ANO10: variants seen among roughly 807,000 people sequenced by gnomAD.
ANO10 encodes the protein anoctamin 10.
Under a neutral mutation model 74.7 loss-of-function variants are expected in ANO10, and 77 were observed. The observed-to-expected ratio is 1.03, with a 90% CI of 0.86 to 1.25. The LOEUF is 1.25. Among genes scored for constraint, ANO10 ranks in the 50% most tolerant of loss-of-function variants. The pLI is 0.00. For synonymous variants in ANO10, 279 were observed against 284.9 expected (o/e 0.98, Z 0.21); for missense variants, 721 against 778.1 (o/e 0.93, Z 0.87).
intron 12 of ANO10, among the ~76,000 whole-genome samples, chr3:43,375,163 T>C (rs2091756246): frequency 6.6e-6 from 1 of 151,164 alleles, no homozygotes; most frequent in African/African-American, 2.4e-5. Context: ...ATCATTTTTT[T>C]GGGTGGGCGC....
intron 1 of ANO10, among the ~76,000 whole-genome samples, chr3:43,647,020 G>A (rs568470968): frequency 2.6e-5 from 4 of 151,966 alleles, no homozygotes; most frequent in Admixed American, 2.0e-4. Flanking sequence ...AATTCTCTTC[G>A]ACCTTCCAAC....
At chr3:43,400,471 G>A (rs1444691384) in intron 12 of ANO10, among the ~76,000 whole-genome samples, 1 of 151,984 alleles carries the variant, frequency 6.6e-6, no homozygotes, top group African/African-American at 2.4e-5. Context: ...GTGAAATACT[G>A]TGTCTTCAGA....
intron 11 of ANO10, among the ~76,000 whole-genome samples, chr3:43,466,588 C>A (rs1056228751): frequency 2.6e-5 from 4 of 151,762 alleles, no homozygotes; most frequent in Non-Finnish European, 5.9e-5. Context: ...GAACCTTAAC[C>A]TCTCTCTCAT....
intron 1 of ANO10, among the ~76,000 whole-genome samples, chr3:43,616,032 A>G (rs550225142): frequency 1.3e-5 from 2 of 152,268 alleles, no homozygotes; most frequent in African/African-American, 4.8e-5. Context: ...AACCTTATAT[A>G]AAAGCTACCT....
chr3:43,471,278 T>G (rs1371739379), intron 11 of ANO10, among the ~76,000 whole-genome samples: 2 of 152,186 alleles, frequency 1.3e-5, no homozygotes, highest in Non-Finnish European at 2.9e-5. Flanking sequence ...AAAAATCAAG[T>G]ATAAATAAAA....
intron 11 of ANO10, among the ~76,000 whole-genome samples, chr3:43,503,981 T>C (rs12495394): frequency 0.98 from 149,272 of 152,172 alleles, 73,283 homozygotes; most frequent in East Asian, 1. Flanking sequence ...TGTTGGGGAT[T>C]GGCTGGGTGT....
At chr3:43,465,493 A>C (rs1472865544) in intron 11 of ANO10, among the ~76,000 whole-genome samples, 2 of 152,168 alleles carry the variant, frequency 1.3e-5, no homozygotes, top group Admixed American at 1.3e-4. Flanking sequence ...GTCTCTACTA[A>C]AAATACAAAA....
intron 11 of ANO10, among the ~76,000 whole-genome samples, chr3:43,519,426 TCTAA>T (rs1289586773): frequency 2.6e-5 from 4 of 152,124 alleles, no homozygotes; most frequent in Non-Finnish European, 1.5e-5. Context: ...CTCAAGATAC[TCTAA>T]CTAAGATGGA....
At chr3:43,647,151 A>ATGTGTGTGTG (rs1450143460) in intron 1 of ANO10, among the ~76,000 whole-genome samples, 7 of 73,760 alleles carry the variant, frequency 9.5e-5, no homozygotes, top group Admixed American at 1.6e-4. Flanking sequence ...ATATGTGTAT[A>ATGTGTGTGTG]TATGTGTGTG....
At chr3:43,501,394 T>C (rs968021847) in intron 11 of ANO10, among the ~76,000 whole-genome samples, 9 of 152,082 alleles carry the variant, frequency 5.9e-5, no homozygotes, top group African/African-American at 2.2e-4. Context: ...ACATTACAGA[T>C]CATATTTCAA....
chr3:43,508,510 C>T (rs2077381365), intron 11 of ANO10, among the ~76,000 whole-genome samples: 1 of 152,132 alleles, frequency 6.6e-6, no homozygotes, highest in Non-Finnish European at 1.5e-5. Flanking sequence ...TTTACTGCAG[C>T]ACTATTCACA....
chr3:43,501,549 G>A (rs1469699935), intron 11 of ANO10, among the ~76,000 whole-genome samples: 1 of 151,958 alleles, frequency 6.6e-6, no homozygotes, highest in African/African-American at 2.4e-5. Flanking sequence ...AAATCATGAG[G>A]TCAAAGCTTC....
At chr3:43,478,298 A>C (rs1328666695) in intron 11 of ANO10, among the ~76,000 whole-genome samples, 1 of 152,186 alleles carries the variant, frequency 6.6e-6, no homozygotes, top group African/African-American at 2.4e-5. Flanking sequence ...GAAATCAGCA[A>C]CCTAAAAAAC....
chr3:43,505,141 A>G (rs1051530003), intron 11 of ANO10, among the ~76,000 whole-genome samples: 6 of 152,230 alleles, frequency 3.9e-5, no homozygotes, highest in African/African-American at 1.2e-4. Flanking sequence ...AGATAGTGTT[A>G]GCATAAATAA....
intron 3 of ANO10, among the ~76,000 whole-genome samples, 159 bp downstream of exon 3, chr3:43,600,225 A>G (rs2082275557): frequency 6.6e-6 from 1 of 152,232 alleles, no homozygotes; most frequent in East Asian, 1.9e-4. Flanking sequence ...TCACAATGGC[A>G]GTGTTGAGTA....
chr3:43,589,226 T>A (rs1432161602), intron 4 of ANO10, among the ~76,000 whole-genome samples: 7 of 152,124 alleles, frequency 4.6e-5, no homozygotes. Context: ...AAAAAAATAG[T>A]CTTCACAGAT....
intron 12 of ANO10, among the ~76,000 whole-genome samples, chr3:43,417,492 C>A (rs991128458): frequency 1.5e-4 from 23 of 152,134 alleles, no homozygotes; most frequent in African/African-American, 5.6e-4. Flanking sequence ...TTGCTCTTTT[C>A]CTCTCGGAAG....
chr3:43,439,157 T>G (rs1045894217), intron 11 of ANO10, among the ~76,000 whole-genome samples: 9 of 151,656 alleles, frequency 5.9e-5, no homozygotes, highest in South Asian at 2.1e-4. Context: ...TAATTTATCA[T>G]GTACAAGGGA....
chr3:43,383,645 A>G (rs1211163060), intron 12 of ANO10, among the ~76,000 whole-genome samples: 1 of 152,196 alleles, frequency 6.6e-6, no homozygotes, highest in East Asian at 1.9e-4. Flanking sequence ...TAAATGTGAT[A>G]CACCACATAA....
Sources: allele counts gnomAD v4.1 joint callset (sites outside exome capture counted in the v4.1 genomes callset), GRCh38; gene constraint gnomAD v4.1.1; transcripts MANE v1.5; gene names NCBI Gene and HGNC (gene_info 2026-07-23, HGNC 2026-07-21).